Variants in MBNL1 observed in about 807,000 individuals in gnomAD.
MBNL1 encodes the protein muscleblind like splicing regulator 1.
A neutral mutation model predicts 42.2 loss-of-function variants in MBNL1; 8 were observed. That is an observed-to-expected ratio of 0.19 (90% CI 0.11 to 0.34). MBNL1 has a LOEUF of 0.34. Ranked by LOEUF, MBNL1 falls within the 10% of genes least tolerant of loss-of-function variation. The pLI is 1.00. For synonymous variants in MBNL1, 169 were observed against 173.9 expected (o/e 0.97, Z 0.22); for missense variants, 309 against 495.3 (o/e 0.62, Z 3.57).
intron 2 of MBNL1, among the ~76,000 whole-genome samples, chr3:152,399,769 CT>C (rs1305300375): frequency 6.6e-6 from 1 of 152,152 alleles, no homozygotes; most frequent in African/African-American, 2.4e-5. Flanking sequence ...TCCCAAAGTA[CT>C]GGGATTACAG....
At chr3:152,398,715 T>G (rs2098090531) in intron 2 of MBNL1, among the ~76,000 whole-genome samples, 1 of 152,204 alleles carries the variant, frequency 6.6e-6, no homozygotes, top group South Asian at 2.1e-4. Flanking sequence ...AGTACAGCTT[T>G]GCTTATGTCC....
intron 3 of MBNL1, among the ~76,000 whole-genome samples, chr3:152,426,085 A>C (rs930373576): frequency 6.6e-6 from 1 of 152,052 alleles, no homozygotes; most frequent in Non-Finnish European, 1.5e-5. Flanking sequence ...TTCTCAGCAA[A>C]CTAACAACAG....
intron 2 of MBNL1, among the ~76,000 whole-genome samples, chr3:152,351,263 A>G (rs1487604959): frequency 1.3e-5 from 2 of 152,192 alleles, no homozygotes; most frequent in Admixed American, 6.5e-5. Context: ...GTTAAATGCC[A>G]TGGTTTATAC....
At chr3:152,338,395 G>T in intron 2 of MBNL1, 1 of 985,408 alleles carries the variant, frequency 1.0e-6, no homozygotes, top group African/African-American at 1.7e-5. Context: ...TGAAAGCGGG[G>T]AATATTCCTC....
At chr3:152,380,144 T>A (rs2097120570) in intron 2 of MBNL1, among the ~76,000 whole-genome samples, 1 of 152,120 alleles carries the variant, frequency 6.6e-6, no homozygotes. Context: ...TACTGTTAGG[T>A]TCTCTGTATT....
intron 4 of MBNL1, among the ~76,000 whole-genome samples, chr3:152,443,509 A>ACACACACACACACACAC (rs1560616953): frequency 2.6e-5 from 1 of 38,002 alleles, no homozygotes; most frequent in Non-Finnish European, 5.5e-5. Context: ...CACACACACA[A>ACACACACACACACACAC]CTTTTTATCA....
chr3:152,399,352 G>C (rs2098119878), intron 2 of MBNL1, among the ~76,000 whole-genome samples: 1 of 151,422 alleles, frequency 6.6e-6, no homozygotes, highest in South Asian at 2.1e-4. Context: ...TTTTCTCCTA[G>C]CTTAGAAAAC....
chr3:152,413,257 A>G (rs1428088033), intron 2 of MBNL1, among the ~76,000 whole-genome samples: 4 of 152,242 alleles, frequency 2.6e-5, no homozygotes, highest in Non-Finnish European at 5.9e-5. Context: ...TAACTAAAAG[A>G]TGTTTAAAAA....
At chr3:152,278,334 A>G (rs1194999369) in intron 1 of MBNL1, among the ~76,000 whole-genome samples, 1 of 152,156 alleles carries the variant, frequency 6.6e-6, no homozygotes, top group African/African-American at 2.4e-5. Context: ...AAGAGGTTTG[A>G]TAAGCATAGC....
chr3:152,319,508 T>C (rs754383503), intron 2 of MBNL1, among the ~76,000 whole-genome samples: 2 of 151,992 alleles, frequency 1.3e-5, no homozygotes, highest in Non-Finnish European at 2.9e-5. Context: ...AATGGCATCA[T>C]TGACACACCT....
intron 5 of MBNL1, chr3:152,446,828 A>G (rs537287975): frequency 1.3e-5 from 17 of 1,272,654 alleles, no homozygotes; most frequent in Non-Finnish European, 1.9e-5. Context: ...TTTTAAATCA[A>G]CTTTAAAATA....
chr3:152,268,602 A>G (rs901027864), upstream of MBNL1: 9 of 379,996 alleles, frequency 2.4e-5, no homozygotes, highest in African/African-American at 8.5e-5. Context: ...TGCTGAACGC[A>G]TGAGATGGAA....
intron 3 of MBNL1, among the ~76,000 whole-genome samples, chr3:152,420,983 A>G (rs938515734): frequency 6.6e-5 from 10 of 152,232 alleles, no homozygotes; most frequent in African/African-American, 2.4e-4. Context: ...CACAGGTATC[A>G]GTAGCTGAAT....
chr3:152,257,477 T>C (rs186011135), intron 2 of MBNL1, among the ~76,000 whole-genome samples: 26 of 152,248 alleles, frequency 1.7e-4, no homozygotes, highest in African/African-American at 5.1e-4. Flanking sequence ...CCTCCTCTCA[T>C]TGGTGACCCA....
intron 2 of MBNL1, among the ~76,000 whole-genome samples, chr3:152,334,453 C>T (rs1282915169): frequency 5.9e-5 from 9 of 152,082 alleles, no homozygotes; most frequent in Admixed American, 2.6e-4. Context: ...TTAAGTCGAA[C>T]GCCACTAGAA....
chr3:152,306,577 G>T (rs1296099863), intron 2 of MBNL1, among the ~76,000 whole-genome samples: 3 of 152,080 alleles, frequency 2.0e-5, no homozygotes, highest in Non-Finnish European at 4.4e-5. Context: ...TTTGGTAGCA[G>T]GGATTGCTAG....
intron 2 of MBNL1, among the ~76,000 whole-genome samples, chr3:152,369,594 C>T (rs1341809732): frequency 6.6e-6 from 1 of 152,108 alleles, no homozygotes; most frequent in African/African-American, 2.4e-5. Context: ...GGTACCAGCT[C>T]CTCTTTGTAC....
intron 2 of MBNL1, among the ~76,000 whole-genome samples, chr3:152,401,924 C>T (rs563160965): frequency 3.1e-4 from 47 of 150,296 alleles, no homozygotes; most frequent in Admixed American, 1.3e-3. Flanking sequence ...CCCACCTACT[C>T]GGGAGGCTGA....
At chr3:152,364,754 G>GA (rs982262637) in intron 2 of MBNL1, among the ~76,000 whole-genome samples, 5 of 151,526 alleles carry the variant, frequency 3.3e-5, no homozygotes, top group Admixed American at 6.6e-5. Context: ...AACCTGAGGG[G>GA]AAAAAAAATT....
Sources: allele counts gnomAD v4.1 joint callset (sites outside exome capture counted in the v4.1 genomes callset), GRCh38; gene constraint gnomAD v4.1.1; transcripts MANE v1.5; gene names NCBI Gene and HGNC (gene_info 2026-07-23, HGNC 2026-07-21).